Variants in DPP10 observed in about 807,000 individuals in gnomAD.
DPP10 encodes dipeptidyl peptidase like 10, also known as inactive dipeptidyl peptidase 10.
Under a neutral mutation model 120.9 loss-of-function variants are expected in DPP10, and 33 were observed. The observed-to-expected ratio is 0.27, with a 90% CI of 0.21 to 0.37. The LOEUF (loss-of-function observed/expected upper bound fraction) is 0.37. DPP10 is among the 10% of genes least tolerant of loss of function. The pLI is 1.00. For missense variants in DPP10, 816 were observed against 942.8 expected, an observed-to-expected ratio of 0.87 and a Z score of 1.76; for synonymous variants, 337 against 326.1, an observed-to-expected ratio of 1.03 and a Z score of -0.36.
chr2:114,837,437 A>C (rs1329700804), intron 1 of DPP10, among the ~76,000 whole-genome samples: 2 of 152,146 alleles, frequency 1.3e-5, no homozygotes, highest in Non-Finnish European at 2.9e-5. Context: ...TTTTCCTCAC[A>C]ACAGTTAGCA....
intron 2 of DPP10, 55 bp downstream of exon 2, chr2:115,309,408 G>A (rs975453): frequency 0.82 from 1,262,776 of 1,548,504 alleles, 515,887 homozygotes; most frequent in Non-Finnish European, 0.83. Context: ...TGATAATTTC[G>A]CATTCAAATG....
chr2:114,865,121 T>C (rs1690121555), intron 1 of DPP10, among the ~76,000 whole-genome samples: 1 of 152,208 alleles, frequency 6.6e-6, no homozygotes, highest in Admixed American at 6.5e-5. Flanking sequence ...CAGTGACAGA[T>C]GCTAGTAAAG....
chr2:115,353,279 C>CA (rs1336069128), intron 3 of DPP10, among the ~76,000 whole-genome samples: 1 of 151,986 alleles, frequency 6.6e-6, no homozygotes, highest in Non-Finnish European at 1.5e-5. Context: ...TGTGTTATGA[C>CA]AAAATCACAG....
At chr2:115,483,473 A>ATCTG (rs1183693331) in intron 3 of DPP10, among the ~76,000 whole-genome samples, 1 of 7,980 alleles carries the variant, frequency 1.3e-4, no homozygotes, top group African/African-American at 1.8e-4. Context: ...CTATCTATCT[A>ATCTG]TCTATCTGTA....
intron 1 of DPP10, among the ~76,000 whole-genome samples, chr2:115,083,969 C>T (rs1417084745): frequency 6.6e-6 from 1 of 152,202 alleles, no homozygotes; most frequent in Non-Finnish European, 1.5e-5. Context: ...AGTTCTATCA[C>T]AAACACCTCT....
At position 114,589,901 on chromosome 2, in the gene DPP10, C is replaced by T. The variant is rs113800866; in HGVS notation, c.60+147063C>T. ...TGGAAATACAGTCTTTGTTTTTACT[C>T]AAGCCAGCAAGCATTTATCAAGTAT... On this transcript the variant is annotated intron_variant, in intron 1 of 25. Transcript: ENST00000410059. 7.2e-3 allele frequency among the ~76,000 whole-genome samples: 1,086 copies of T among 151,830 alleles called. 15 individuals carry two copies. Among genetic ancestry groups the T allele is most frequent in the African/African-American group, 0.025 (1,040 of 41,378 alleles).
chr2:114,737,873 G>C lies in DPP10; in HGVS notation c.60+295035G>C, dbSNP rs182751023. ...TGGAATGAGGTATAATATGTAAGTG[G>C]ACCTGTATTATTCAATTCTTACATT... On this transcript the variant is annotated intron_variant, in intron 1 of 25. Transcript: ENST00000410059. Among the ~76,000 whole-genome samples the C allele has an allele frequency of 4.6e-5, 7 of 152,306 alleles. No individual in the cohort carries two copies. In the East Asian group the frequency reaches 7.7e-4, roughly 17 times the overall value.
rs576219903 is a variant in DPP10, at chr2:115,511,221, T to C, written c.366+11617T>C. ...TGATGATACCATTATGGCCTAGGCT[T>C]CTTTTTCACAGGAAGTTTTAAATTT... On this transcript the variant is annotated intron_variant, in intron 4 of 25. Coordinates refer to ENST00000410059, the MANE Select transcript of DPP10 (RefSeq NM_020868.6). 2.7e-4 allele frequency among the ~76,000 whole-genome samples: 41 copies of C among 152,294 alleles called. 1 individual carries two copies. The highest frequency in any genetic ancestry group is 1.2e-3 in the South Asian group (6 of 4,828).
chr2:115,440,341 G>T (rs1020315179), intron 3 of DPP10, among the ~76,000 whole-genome samples: 1 of 151,970 alleles, frequency 6.6e-6, no homozygotes, highest in Non-Finnish European at 1.5e-5. Context: ...GGCATATTCC[G>T]CTGTATGAGC....
chr2:115,029,520 T>C (rs1703698723), intron 1 of DPP10, among the ~76,000 whole-genome samples: 1 of 151,998 alleles, frequency 6.6e-6, no homozygotes, highest in African/African-American at 2.4e-5. Flanking sequence ...AATAGTGGTA[T>C]ATTTTCTCAG....
intron 1 of DPP10, among the ~76,000 whole-genome samples, chr2:114,514,931 G>A (rs1016583037): frequency 6.6e-6 from 1 of 152,036 alleles, no homozygotes; most frequent in Non-Finnish European, 1.5e-5. Context: ...ACCATACTCA[G>A]AGCATTCACT....
intron 1 of DPP10, among the ~76,000 whole-genome samples, chr2:115,209,342 A>G (rs1176796048): frequency 6.6e-6 from 1 of 152,114 alleles, no homozygotes; most frequent in East Asian, 1.9e-4. Flanking sequence ...TTACTCTTTC[A>G]TTCCTTAGTT....
At chr2:115,338,536 A>G (rs534301579) in intron 2 of DPP10, among the ~76,000 whole-genome samples, 1 of 152,150 alleles carries the variant, frequency 6.6e-6, no homozygotes, top group South Asian at 2.1e-4. Context: ...AGCTCACTCT[A>G]ACCTTGAACT....
chr2:115,839,819 C>A (rs2150132135), intron 24 of DPP10, among the ~76,000 whole-genome samples: 1 of 152,222 alleles, frequency 6.6e-6, no homozygotes, highest in Non-Finnish European at 1.5e-5. Flanking sequence ...TCATAGCTAC[C>A]AAACCCATGG....
intron 7 of DPP10, among the ~76,000 whole-genome samples, chr2:115,703,584 C>T (rs1386146792): frequency 6.6e-6 from 1 of 151,928 alleles, no homozygotes; most frequent in Non-Finnish European, 1.5e-5. Flanking sequence ...TTTCTTGAAG[C>T]AGAATTCATT....
chr2:115,186,233 T>C (rs2105185079), intron 1 of DPP10, among the ~76,000 whole-genome samples: 1 of 152,350 alleles, frequency 6.6e-6, no homozygotes, highest in South Asian at 2.1e-4. Context: ...CTGTTTTACG[T>C]GTAAACCCAT....
intron 2 of DPP10, among the ~76,000 whole-genome samples, chr2:115,334,029 G>A (rs2062935821): frequency 6.6e-6 from 1 of 151,780 alleles, no homozygotes; most frequent in Non-Finnish European, 1.5e-5. Context: ...TGGTGTACTT[G>A]AAAGTGACGG....
intron 1 of DPP10, among the ~76,000 whole-genome samples, chr2:114,962,193 C>T (rs1007449410): frequency 6.6e-6 from 1 of 151,942 alleles, no homozygotes; most frequent in Non-Finnish European, 1.5e-5. Context: ...TAGGGTCACA[C>T]AAAAAAATAA....
chr2:115,121,080 A>G (rs2049800134), intron 1 of DPP10, among the ~76,000 whole-genome samples: 1 of 152,186 alleles, frequency 6.6e-6, no homozygotes, highest in Non-Finnish European at 1.5e-5. Flanking sequence ...TAAACCCTTG[A>G]GGTAGGACTA....
Sources: allele counts gnomAD v4.1 joint callset (sites outside exome capture counted in the v4.1 genomes callset), GRCh38; gene constraint gnomAD v4.1.1; transcripts MANE v1.5; gene names NCBI Gene and HGNC (gene_info 2026-07-23, HGNC 2026-07-21).